Variants in PDZRN3 observed in about 807,000 individuals in gnomAD.
The protein encoded by PDZRN3 is PDZ domain containing ring finger 3, also known as E3 ubiquitin-protein ligase PDZRN3.
PDZRN3 carries 38 observed loss-of-function variants against 85.7 expected under a neutral mutation model. The observed-to-expected ratio is 0.44, with a 90% confidence interval of 0.34 to 0.58. The LOEUF (loss-of-function observed/expected upper bound fraction) is 0.58, where lower values mean the gene tolerates loss of function less well. Ranked by LOEUF, PDZRN3 falls within the 20% of genes least tolerant of loss-of-function variation. The probability of loss-of-function intolerance (pLI) is 0.01; values close to 1 mark genes in which losing one functional copy is unlikely to be tolerated. For missense variants in PDZRN3, 1,629 were observed against 1,506.4 expected (o/e 1.08, Z -1.35); for synonymous variants, 759 against 638.0 (o/e 1.19, Z -2.86).
At chr3:73,493,052 G>A (rs1435755697) in intron 3 of PDZRN3, among the ~76,000 whole-genome samples, 1 of 107,252 alleles carries the variant, frequency 9.3e-6, no homozygotes, top group Non-Finnish European at 1.8e-5. Flanking sequence ...ATTTTATAAA[G>A]AATGAAATCT....
At chr3:73,608,871 T>C (rs917124033) in intron 1 of PDZRN3, among the ~76,000 whole-genome samples, 187 bp from the exon 2 acceptor site, 1 of 152,154 alleles carries the variant, frequency 6.6e-6, no homozygotes, top group Non-Finnish European at 1.5e-5. Flanking sequence ...TTTAAGGGCT[T>C]ATAAACATTT....
chr3:73,408,471 C>T (rs916142035), intron 3 of PDZRN3, among the ~76,000 whole-genome samples: 1 of 152,036 alleles, frequency 6.6e-6, no homozygotes, highest in African/African-American at 2.4e-5. Context: ...TCTTAAGAGA[C>T]ATTTGTATGC....
intron 3 of PDZRN3, among the ~76,000 whole-genome samples, chr3:73,536,683 C>T (rs529262335): frequency 9.8e-5 from 15 of 152,292 alleles, no homozygotes; most frequent in African/African-American, 2.2e-4. Flanking sequence ...GAATGCCACA[C>T]GTGTTATTCA....
intron 3 of PDZRN3, among the ~76,000 whole-genome samples, chr3:73,528,228 C>T (rs542798358): frequency 1.3e-5 from 2 of 152,306 alleles, no homozygotes; most frequent in Non-Finnish European, 2.9e-5. Flanking sequence ...AAAAACCTTC[C>T]AACGCCCAGT....
chr3:73,391,255 T>C lies in PDZRN3; in HGVS notation c.1255-139A>G, dbSNP rs550904237. 8.5e-6 allele frequency: 5 copies of C among 591,580 alleles called. No individual in the cohort carries two copies. In the East Asian group the frequency reaches 1.3e-4, roughly 16 times the overall value. 36.6% of individuals were successfully genotyped at this position (591,580 alleles called of 1,614,324 possible). ...AACTGTGTAGGGCCGGTTAACTTACTAAACAAAAAGTGATTATGGACACAG... is the reference window on the plus strand; with the variant it reads ...AACTGTGTAGGGCCGGTTAACTTACCAAACAAAAAGTGATTATGGACACAG... On this transcript the variant is annotated intron_variant, in intron 5 of 9. Transcript: ENST00000263666.
chr3:73,524,731 T>C (rs1704480853), intron 3 of PDZRN3, among the ~76,000 whole-genome samples: 1 of 152,084 alleles, frequency 6.6e-6, no homozygotes, highest in Non-Finnish European at 1.5e-5. Flanking sequence ...TAATTTCGAT[T>C]TATAAAGGAG....
chr3:73,479,610 A>G (rs1450975818), intron 3 of PDZRN3, among the ~76,000 whole-genome samples: 2 of 152,174 alleles, frequency 1.3e-5, no homozygotes, highest in South Asian at 2.1e-4. Flanking sequence ...GGTCTTTGTA[A>G]TAAGAGTTTG....
intron 3 of PDZRN3, among the ~76,000 whole-genome samples, chr3:73,467,598 A>T (rs926236298): frequency 3.3e-5 from 5 of 152,014 alleles, no homozygotes; most frequent in Admixed American, 6.6e-5. Flanking sequence ...ATTATGAAAG[A>T]GTCTCAGTTC....
intron 3 of PDZRN3, among the ~76,000 whole-genome samples, chr3:73,483,015 CAGAAG>C (rs1324772761): frequency 6.6e-6 from 1 of 152,178 alleles, no homozygotes; most frequent in Non-Finnish European, 1.5e-5. Flanking sequence ...CCTTAGAGAA[CAGAAG>C]AGAACAAACA....
intron 3 of PDZRN3, among the ~76,000 whole-genome samples, chr3:73,501,236 C>T (rs966554129): frequency 1.3e-5 from 2 of 152,192 alleles, no homozygotes; most frequent in African/African-American, 4.8e-5. Context: ...TGTTTTCCAC[C>T]TTGGCTTAAA....
intron 3 of PDZRN3, among the ~76,000 whole-genome samples, chr3:73,577,552 T>C (rs13088553): frequency 0.31 from 47,670 of 151,972 alleles, 7,491 homozygotes; most frequent in Middle Eastern, 0.38. Flanking sequence ...CCCTGGCTTC[T>C]AGCTGGGACC....
At chr3:73,410,094 T>C (rs1387747166) in intron 3 of PDZRN3, among the ~76,000 whole-genome samples, 1 of 152,196 alleles carries the variant, frequency 6.6e-6, no homozygotes, top group African/African-American at 2.4e-5. Flanking sequence ...GTTTTCAAAC[T>C]AATTAAAACA....
rs1382730830 is a variant in PDZRN3, at chr3:73,383,168, A to AAGAT, written c.*193_*196dup. 92 of 519,594 alleles carry AAGAT rather than the reference A, an allele frequency of 1.8e-4. No individual in the cohort carries two copies. The highest frequency in any genetic ancestry group is 1.0e-3 in the Admixed American group (27 of 27,014). The allele number at this position is 519,594 out of a possible 1,614,324, so 32.2% of individuals were successfully genotyped here. On this transcript the variant is annotated 3_prime_UTR_variant, in exon 10 of 10. Transcript: ENST00000263666. Reference sequence around the variant, plus strand: ...GCTCTGTTTGTTAATATTGCCTTCCAAGATAGTAAGGGTGTTTTTCTCTCT... The same window carrying AAGAT: ...GCTCTGTTTGTTAATATTGCCTTCCAAGATAGATAGTAAGGGTGTTTTTCTCTCT...
chr3:73,562,993 ATATATATATATATATATATATT>A lies in PDZRN3; in HGVS notation c.918+39339_918+39360del, dbSNP rs1470121458. Among the ~76,000 whole-genome samples the A allele has an allele frequency of 3.6e-3, 108 of 30,124 alleles. 3 individuals are homozygous for A. The highest frequency in any genetic ancestry group is 0.016 in the Middle Eastern group (1 of 62). 19.8% of individuals were successfully genotyped at this position (30,124 alleles called of 152,430 possible). ...CTGCAAGTTGGCAAATTATATATAT[ATATATATATATATATATATATT>A]TTTTTTTTTTTTTTTTTTTTTGAGA... On this transcript the variant is annotated intron_variant, in intron 3 of 9. Coordinates refer to ENST00000263666, the MANE Select transcript of PDZRN3 (RefSeq NM_015009.3).
At chr3:73,613,560 T>C (rs1208005293) in intron 1 of PDZRN3, among the ~76,000 whole-genome samples, 1 of 152,014 alleles carries the variant, frequency 6.6e-6, no homozygotes, top group Non-Finnish European at 1.5e-5. Flanking sequence ...TCTCGATGGA[T>C]TGGTACGAAA....
chr3:73,506,648 A>G (rs1194659544), intron 3 of PDZRN3, among the ~76,000 whole-genome samples: 1 of 152,344 alleles, frequency 6.6e-6, no homozygotes, highest in East Asian at 1.9e-4. Context: ...TGGGAAAGCA[A>G]TAGTCACAAC....
chr3:73,468,928 A>C (rs1268907445), intron 3 of PDZRN3, among the ~76,000 whole-genome samples: 3 of 152,166 alleles, frequency 2.0e-5, no homozygotes, highest in Non-Finnish European at 2.9e-5. Flanking sequence ...ATCAAAGAAG[A>C]AGCATGACAA....
chr3:73,537,812 G>A (rs1280610974), intron 3 of PDZRN3, among the ~76,000 whole-genome samples: 2 of 145,156 alleles, frequency 1.4e-5, no homozygotes, highest in Non-Finnish European at 3.0e-5. Flanking sequence ...TTTAAGTAAA[G>A]ACGGGGTTTC....
At chr3:73,537,134 G>C (rs2106770222) in intron 3 of PDZRN3, among the ~76,000 whole-genome samples, 1 of 152,190 alleles carries the variant, frequency 6.6e-6, no homozygotes, top group East Asian at 1.9e-4. Context: ...CAGAGTTCTG[G>C]CCAACAGAAT....
Sources: allele counts gnomAD v4.1 joint callset (sites outside exome capture counted in the v4.1 genomes callset), GRCh38; gene constraint gnomAD v4.1.1; transcripts MANE v1.5; gene names NCBI Gene and HGNC (gene_info 2026-07-23, HGNC 2026-07-21).